The following INPPL1 variants were observed in gnomAD, a reference collection of about 807,000 sequenced individuals.
INPPL1 encodes inositol polyphosphate phosphatase like 1, also known as phosphatidylinositol 3,4,5-trisphosphate 5-phosphatase 2.
Under a neutral mutation model 139.3 loss-of-function variants are expected in INPPL1, and 91 were observed. That is an observed-to-expected ratio of 0.65 (90% CI 0.55 to 0.78). INPPL1 has a LOEUF of 0.78. Ranked by LOEUF, INPPL1 falls within the 30% of genes least tolerant of loss-of-function variation. INPPL1 has a pLI of 0.00. For missense variants in INPPL1, 1,411 were observed against 1,665.6 expected (o/e 0.85, Z 2.66); for synonymous variants, 719 against 686.6 (o/e 1.05, Z -0.74).
chr11:72,230,336 C>T lies in INPPL1; in HGVS notation c.1091-26C>T, dbSNP rs560379591. On this transcript the variant is annotated intron_variant, in intron 9 of 27. Transcript: ENST00000298229. ...AGCCCCTGGCCTAGGGGCACAGGCC[C>T]ATGTGACCGGTCCTCCATGCCCTAG... 46 of 1,613,736 alleles carry T rather than the reference C, an allele frequency of 2.9e-5. No individual in the cohort carries two copies. The African/African-American group carries it at 5.2e-4, about 18-fold the overall frequency.
In INPPL1 at chr11:72,229,522, G is replaced by C. The variant is rs2135424970; in HGVS notation, c.717G>C (p.Gln239His). The change falls in exon 6 of 28, where the codon CAG becomes CAC. Residue 239 changes from glutamine to histidine, a missense_variant. Gln to His is a conservative substitution (Grantham distance 24). Around this residue, in one of 5 missense-constraint regions of INPPL1, gnomAD observed 504 missense variants for 595.6 expected, o/e 0.85. Coordinates refer to ENST00000298229, the MANE Select transcript of INPPL1 (RefSeq NM_001567.4). Reference protein sequence around the residue: ...LEILSKVFDQQSSPMVTRLLQ... With the variant: ...LEILSKVFDQHSSPMVTRLLQ... ...TCCTGTCCAAGGTGTTTGACCAGCA[G>C]AGCTCGCCCATGGTGACCCGCCTTT... 6.2e-7 allele frequency: 1 copy of C among 1,614,164 alleles called. No individual in the cohort carries two copies. The highest frequency in any genetic ancestry group is 1.7e-5 in the Admixed American group (1 of 60,016).
chr11:72,235,134 G>T lies in INPPL1; in HGVS notation c.2434G>T (p.Asp812Tyr). Residue 812 changes from aspartate to tyrosine, a missense_variant, in exon 22 of 28, where the codon GAT becomes TAT. Transcript: ENST00000298229. This position sits in a 1 kb window ranked among gnomAD's most constrained non-coding sequence, Gnocchi z 4.9. ...QLPTLKPILA[D>Y]IEYLQDQHLL... ...TTCCCAGCTCAAACCAATTCTGGCTGATATCGAGTACCTGCAGGACCAGCA... is the reference window on the plus strand; with the variant it reads ...TTCCCAGCTCAAACCAATTCTGGCTTATATCGAGTACCTGCAGGACCAGCA... 1 of 1,613,986 alleles carries T rather than the reference G, an allele frequency of 6.2e-7. No individual in the cohort carries two copies. The highest frequency in any genetic ancestry group is 8.5e-7 in the Non-Finnish European group (1 of 1,179,978).
Position 72,232,984 on chromosome 11 carries a change from G to A in INPPL1, c.1951+10G>A. On this transcript the variant is annotated intron_variant, in intron 16 of 27. Transcript: ENST00000298229. ...GTCTTCCTTCGATTCAGTGAGTGTG[G>A]GCCTGGTAGGTGGTGATCTGAGGGC... 1 of 1,613,592 alleles carries A rather than the reference G, an allele frequency of 6.2e-7. No homozygotes were observed. The highest frequency in any genetic ancestry group is 8.5e-7 in the Non-Finnish European group (1 of 1,179,540).
At chr11:72,231,422 A>G (rs1426771762) in intron 12 of INPPL1, 76 bp from the exon 13 acceptor site, 5 of 1,206,336 alleles carry the variant, frequency 4.1e-6, no homozygotes, top group Non-Finnish European at 6.1e-6. Context: ...TGGACACAAA[A>G]GTCTATTTAT....
In INPPL1 at chr11:72,228,951, C is replaced by T. The variant is rs969186382; in HGVS notation, c.518+104C>T. The T allele has an allele frequency of 3.9e-5, 59 of 1,519,402 alleles. No individual in the cohort carries two copies. The African/African-American group carries it at 8.1e-4, about 21-fold the overall frequency. 94.1% of individuals were successfully genotyped at this position (1,519,402 alleles called of 1,614,324 possible). A position where few individuals can be genotyped will look rare whatever the true frequency, so the allele number is the denominator to read the frequency against. On this transcript the variant is annotated intron_variant, in intron 4 of 27. Transcript: ENST00000298229. The surrounding 1 kb of genome is among the most constrained non-coding windows in gnomAD (Gnocchi z 5.0). ...CTTCTAAGACCCCACCAGGGACCCCCACCCCACCTCAGCCCAGAGGCAGAT... is the reference window on the plus strand; with the variant it reads ...CTTCTAAGACCCCACCAGGGACCCCTACCCCACCTCAGCCCAGAGGCAGAT...
In INPPL1 at chr11:72,237,484, T is replaced by C; in HGVS notation, c.3240T>C (p.Arg1080=). The C allele has an allele frequency of 6.2e-7, 1 of 1,610,006 alleles. No individual in the cohort carries two copies. Among genetic ancestry groups the C allele is most frequent in the South Asian group, 1.1e-5 (1 of 90,914 alleles). ...DPLPGPVVRG[R]GGAEARGPPP... is the part of the protein sequence containing the mutation. ...TACCAGGGCCAGTGGTCCGGGGCCG[T>C]GGTGGGGCTGAGGCCCGTGGCCCAC... The change falls in exon 26 of 28, where the codon CGT becomes CGC. Residue 1080 remains arginine (R), a synonymous_variant. Coordinates refer to ENST00000298229, the MANE Select transcript of INPPL1 (RefSeq NM_001567.4).
chr11:72,230,243 G>A lies in INPPL1; in HGVS notation c.1062G>A (p.Glu354=). ...TGCGGAGACAGCGGGACTCCCAGGA[G>A]GACTGGACCACCTTCACGCACGACC... is the stretch of plus-strand genomic sequence containing the variant. ...VLLRRQRDSQ[E]DWTTFTHDRI... Residue 354 remains glutamate, a synonymous_variant, in exon 9 of 28, where the codon GAG becomes GAA. Coordinates refer to ENST00000298229, the MANE Select transcript of INPPL1 (RefSeq NM_001567.4). The A allele has an allele frequency of 6.2e-7, 1 of 1,609,498 alleles. No individual in the cohort carries two copies. Among genetic ancestry groups the A allele is most frequent in the South Asian group, 1.1e-5 (1 of 90,624 alleles).
In INPPL1 at chr11:72,231,174, T is replaced by C. The variant is rs1208322886; in HGVS notation, c.1482T>C (p.Asp494=). 1 of 1,612,380 alleles carries C rather than the reference T, an allele frequency of 6.2e-7. No homozygotes were observed. The highest frequency in any genetic ancestry group is 2.2e-5 in the East Asian group (1 of 44,890). The change falls in exon 12 of 28, where the codon GAT becomes GAC. Residue 494 remains aspartate (D), a synonymous_variant. Transcript: ENST00000298229. The part of the protein sequence containing the change: ...LLRGGLKELT[D]LDYRPIAMQS... Reference sequence around the variant, plus strand: ...GCGGGGGCCTCAAGGAGCTTACGGATCTGGATTACCGCCCGGTGAGGGGGG... The same window carrying C: ...GCGGGGGCCTCAAGGAGCTTACGGACCTGGATTACCGCCCGGTGAGGGGGG...
chr11:72,235,609 C>T lies in INPPL1; in HGVS notation c.2660-66C>T. 6.3e-7 allele frequency: 1 copy of T among 1,593,548 alleles called. No individual in the cohort carries two copies. The highest frequency in any genetic ancestry group is 2.2e-5 in the East Asian group (1 of 44,768). On this transcript the variant is annotated intron_variant, in intron 23 of 27. Coordinates refer to ENST00000298229, the MANE Select transcript of INPPL1 (RefSeq NM_001567.4). The surrounding 1 kb of genome is among the most constrained non-coding windows in gnomAD (Gnocchi z 4.9). ...GCATAGCTGGGAAAGGGCTGGCAGG[C>T]CCACTGGGTGTCTGTGGGATCCAGG...
Position 72,233,183 on chromosome 11 carries a change from T to C in INPPL1, c.2040+20T>C. 3 of 1,607,838 alleles carry C rather than the reference T, an allele frequency of 1.9e-6. No homozygotes were observed. The highest frequency in any genetic ancestry group is 2.6e-6 in the Non-Finnish European group (3 of 1,175,716). On this transcript the variant is annotated intron_variant, in intron 17 of 27. Coordinates refer to ENST00000298229, the MANE Select transcript of INPPL1 (RefSeq NM_001567.4). ...ACTGGGGTGAGCCAAGAAAACGGCATGGGCCTTGGGGGACCGCAGGCCTGC... is the reference window on the plus strand; with the variant it reads ...ACTGGGGTGAGCCAAGAAAACGGCACGGGCCTTGGGGGACCGCAGGCCTGC...
Position 72,238,349 on chromosome 11 carries a change from A to G in INPPL1, c.3773A>G (p.Lys1258Arg). 6.5e-7 allele frequency: 1 copy of G among 1,547,578 alleles called. No individual in the cohort carries two copies. Reference sequence around the variant, plus strand: ...CTTCTGGACACCCTGCAGCTCAGCAAGTGATAGCGGAGGCACCACGAAGCT... The same window carrying G: ...CTTCTGGACACCCTGCAGCTCAGCAGGTGATAGCGGAGGCACCACGAAGCT... ...RLLLDTLQLS[K>R] is the part of the protein sequence containing the mutation. Residue 1258 changes from lysine (K) to arginine (R), a missense_variant, in exon 28 of 28, where the codon AAG becomes AGG. Coordinates refer to ENST00000298229, the MANE Select transcript of INPPL1 (RefSeq NM_001567.4).
chr11:72,238,002 G>T (rs780399366), intron 26 of INPPL1, 40 bp from the exon 27 acceptor site: 4 of 1,512,506 alleles, frequency 2.6e-6, no homozygotes, highest in Admixed American at 2.2e-5. Flanking sequence ...TGTTTCTATG[G>T]GGGGCACTCA....
At chr11:72,237,009 G>A in intron 25 of INPPL1, 115 bp from the exon 26 acceptor site, 1 of 881,366 alleles carries the variant, frequency 1.1e-6, no homozygotes, top group Non-Finnish European at 1.7e-6. Context: ...AAGGTCATGA[G>A]AAAGTCTAGG....
At position 72,235,893 on chromosome 11, in the gene INPPL1, C is replaced by T; in HGVS notation, c.2786C>T (p.Ser929Phe). The T allele has an allele frequency of 6.2e-7, 1 of 1,613,344 alleles. No individual in the cohort carries two copies. Among genetic ancestry groups the T allele is most frequent in the Non-Finnish European group, 8.5e-7 (1 of 1,179,866 alleles). The change falls in exon 25 of 28, where the codon TCC (serine) becomes TTC (phenylalanine). Residue 929 changes from serine to phenylalanine, a missense_variant. By Grantham distance (155) the Ser-to-Phe change is radical (BLOSUM62 -2). Transcript: ENST00000298229. This position sits in a 1 kb window ranked among gnomAD's most constrained non-coding sequence, Gnocchi z 4.9. ...TTCACAGAGGCCTCCTGCCCGCTCT[C>T]CAGGTTATTTGAAGAACCAGAGAAA... ...PAFTEASCPLSRLFEEPEKPP... is the reference protein window; with the variant it reads ...PAFTEASCPLFRLFEEPEKPP...
rs746229280 is a variant in INPPL1, at chr11:72,230,701, TCTC to T, written c.1198-91_1198-89del. The T allele has an allele frequency of 6.7e-6, 7 of 1,037,078 alleles. No individual in the cohort carries two copies. In the East Asian group the frequency reaches 1.5e-4, roughly 22 times the overall value. 64.2% of individuals were successfully genotyped at this position (1,037,078 alleles called of 1,614,324 possible). On this transcript the variant is annotated intron_variant, in intron 10 of 27. Transcript: ENST00000298229. ...ATGCAGTGGAGAACCAGACAGACCC[TCTC>T]CTCATGGACATGAGCCAACTGGCAG... is the stretch of plus-strand genomic sequence containing the variant.
Position 72,232,768 on chromosome 11 carries a change from C to G in INPPL1, c.1851+4C>G. 1 of 1,613,976 alleles carries G rather than the reference C, an allele frequency of 6.2e-7. No individual in the cohort carries two copies. The highest frequency in any genetic ancestry group is 2.2e-5 in the East Asian group (1 of 44,858). ...CCGCCTGGACATGGATATCCAGGTG[C>G]GAGCAGGGCCCTGCCATGGCTGTAG... is the stretch of plus-strand genomic sequence containing the variant. On this transcript the variant is annotated splice_donor_region_variant and intron_variant, in intron 15 of 27. Coordinates refer to ENST00000298229, the MANE Select transcript of INPPL1 (RefSeq NM_001567.4).
At chr11:72,230,515 C>A in intron 10 of INPPL1, 47 bp downstream of exon 10, 1 of 1,521,778 alleles carries the variant, frequency 6.6e-7, no homozygotes, top group South Asian at 1.1e-5. Flanking sequence ...GGGGGTCCCC[C>A]ACATGGGTGC....
In INPPL1 at chr11:72,235,754, G is replaced by A. The variant is rs1565395868; in HGVS notation, c.2738+1G>A. 6.2e-7 allele frequency: 1 copy of A among 1,614,128 alleles called. No individual in the cohort carries two copies. The highest frequency in any genetic ancestry group is 8.5e-7 in the Non-Finnish European group (1 of 1,179,992). On this transcript the variant is annotated splice_donor_variant, in intron 24 of 27. Coordinates refer to ENST00000298229, the MANE Select transcript of INPPL1 (RefSeq NM_001567.4). LOFTEE classifies it high-confidence loss of function. This position sits in a 1 kb window ranked among gnomAD's most constrained non-coding sequence, Gnocchi z 4.9. ...TGTCCCGAGGGAGCCAGGAGCCCAG[G>A]TGAGCTAGGGCTGTGTTGAATGTCA...
At position 72,231,981 on chromosome 11, in the gene INPPL1, C is replaced by T. The variant is rs973980831; in HGVS notation, c.1616-259C>T. Among the ~76,000 whole-genome samples, 3 of 152,252 alleles carry T rather than the reference C, an allele frequency of 2.0e-5. 1 individual carries two copies. Among genetic ancestry groups the T allele is most frequent in the South Asian group, 4.2e-4 (2 of 4,816 alleles). On this transcript the variant is annotated intron_variant, in intron 13 of 27. Coordinates refer to ENST00000298229, the MANE Select transcript of INPPL1 (RefSeq NM_001567.4). ...AATCTGCAGGGCCTTTCAGCTTCAC[C>T]CTTGGGGTCCCCTGTGATCTCCAGG...
Sources: gnomAD v4.1 joint callset for allele counts (sites outside exome capture counted in the v4.1 genomes callset) on GRCh38, gnomAD v4.1.1 for gene constraint, gnomAD v4.1.1 regional missense constraint, Gnocchi (gnomAD v3.1) non-coding constraint, MANE v1.5 for transcripts, NCBI Gene and HGNC (gene_info 2026-07-23, HGNC 2026-07-21) for gene names.